FAM13A: variants seen among roughly 807,000 people sequenced by gnomAD.
The protein encoded by FAM13A is protein FAM13A.
FAM13A carries 76 observed loss-of-function variants against 129.6 expected under a neutral mutation model. That is an observed-to-expected ratio of 0.59 (90% confidence interval 0.49 to 0.71). The LOEUF (loss-of-function observed/expected upper bound fraction) is 0.71. FAM13A is among the 30% of genes least tolerant of loss of function. The pLI is 0.00. For missense variants in FAM13A, 1,108 were observed against 1,249.3 expected (o/e 0.89, Z 1.70); for synonymous variants, 443 against 449.9 (o/e 0.98, Z 0.20).
At chr4:88,955,001 T>A (rs888706935) in intron 4 of FAM13A, among the ~76,000 whole-genome samples, 1 of 152,064 alleles carries the variant, frequency 6.6e-6, no homozygotes. Context: ...TCTAATCCCA[T>A]CAGGATATTA....
intron 7 of FAM13A, among the ~76,000 whole-genome samples, chr4:88,839,498 G>A (rs1354447528): frequency 1.3e-5 from 2 of 152,176 alleles, no homozygotes; most frequent in Non-Finnish European, 2.9e-5. Flanking sequence ...ATGTAAATTA[G>A]GGGTGTAAAT....
intron 4 of FAM13A, among the ~76,000 whole-genome samples, chr4:88,940,840 T>C (rs1754637908): frequency 6.6e-6 from 1 of 152,194 alleles, no homozygotes; most frequent in Non-Finnish European, 1.5e-5. Context: ...TCTGTGGATA[T>C]GCCTTTCTTA....
Position 88,850,173 on chromosome 4 carries a change from T to C in FAM13A, c.1007+847A>G, listed in dbSNP as rs149969895. Among the ~76,000 whole-genome samples, 925 of 152,290 alleles carry C rather than the reference T, an allele frequency of 6.1e-3. 14 individuals carry two copies. Among genetic ancestry groups the C allele is most frequent in the African/African-American group, 0.021 (870 of 41,562 alleles). On this transcript the variant is annotated intron_variant, in intron 7 of 23. Transcript: ENST00000264344. Reference sequence around the variant, plus strand: ...TAGAAGATATTATTAAAATGAAAATTATATAATTTCTGGAATTATAGTAAT... The same window carrying C: ...TAGAAGATATTATTAAAATGAAAATCATATAATTTCTGGAATTATAGTAAT...
At chr4:88,902,794 A>G (rs944618789) in intron 6 of FAM13A, among the ~76,000 whole-genome samples, 6 of 152,192 alleles carry the variant, frequency 3.9e-5, no homozygotes, top group African/African-American at 1.4e-4. Flanking sequence ...AACCGTATTC[A>G]AATAGCAAGA....
chr4:88,872,162 G>C (rs1741531375), intron 6 of FAM13A, among the ~76,000 whole-genome samples: 1 of 152,096 alleles, frequency 6.6e-6, no homozygotes, highest in Non-Finnish European at 1.5e-5. Flanking sequence ...ACATGGAAAG[G>C]AACAACCAGT....
chr4:88,779,787 T>C (rs1578618209), intron 11 of FAM13A, among the ~76,000 whole-genome samples: 2 of 152,312 alleles, frequency 1.3e-5, no homozygotes, highest in East Asian at 3.9e-4. Context: ...TATTAACTAT[T>C]ACCATCTAAC....
chr4:89,014,520 G>C (rs1766199278), intron 3 of FAM13A, among the ~76,000 whole-genome samples: 1 of 152,150 alleles, frequency 6.6e-6, no homozygotes, highest in Non-Finnish European at 1.5e-5. Context: ...TGGGAAGTCA[G>C]GGATCCCGAA....
intron 6 of FAM13A, among the ~76,000 whole-genome samples, chr4:88,862,952 TTTTTA>T (rs1739738685): frequency 6.6e-6 from 1 of 151,982 alleles, no homozygotes; most frequent in Non-Finnish European, 1.5e-5. Flanking sequence ...TTTCTTTCCT[TTTTTA>T]TTTTTTCTTC....
At chr4:88,878,414 G>A (rs959331952) in intron 6 of FAM13A, among the ~76,000 whole-genome samples, 1 of 151,366 alleles carries the variant, frequency 6.6e-6, no homozygotes, top group African/African-American at 2.4e-5. Flanking sequence ...GTCATTGAGA[G>A]CACTATACTG....
chr4:89,035,484 G>C (rs935698531), intron 1 of FAM13A, among the ~76,000 whole-genome samples: 3 of 149,720 alleles, frequency 2.0e-5, no homozygotes, highest in African/African-American at 7.3e-5. Context: ...AGAAAGGAAG[G>C]AAGGAGGGGA....
In FAM13A at chr4:88,985,161, T is replaced by C. The variant is rs566120386; in HGVS notation, c.605+5812A>G. 5.3e-5 allele frequency among the ~76,000 whole-genome samples: 8 copies of C among 152,264 alleles called. No individual in the cohort carries two copies. In the East Asian group the frequency reaches 1.5e-3, roughly 29 times the overall value. On this transcript the variant is annotated intron_variant, in intron 4 of 23. Transcript: ENST00000264344. ...ACAAAATGGATGAGCCTTGAAAACA[T>C]TTTGCTAAGTGAAAGAGTCCAGTCA...
intron 7 of FAM13A, among the ~76,000 whole-genome samples, chr4:88,837,430 C>T (rs973600053): frequency 2.0e-5 from 3 of 151,424 alleles, no homozygotes; most frequent in African/African-American, 7.3e-5. Context: ...ATATAGTCAG[C>T]CTTTGCCGGG....
At position 89,018,816 on chromosome 4, in the gene FAM13A, T is replaced by G. The variant is rs551143817; in HGVS notation, c.427+1644A>C. Among the ~76,000 whole-genome samples the G allele has an allele frequency of 2.0e-5, 3 of 152,204 alleles. No individual in the cohort carries two copies. In the South Asian group the frequency reaches 6.2e-4, roughly 32 times the overall value. ...GAAGAGTCTAAAACTCGTCAAAGAGTCTAACACAGACAGTCTGGCTATGGG... is the reference window on the plus strand; with the variant it reads ...GAAGAGTCTAAAACTCGTCAAAGAGGCTAACACAGACAGTCTGGCTATGGG... On this transcript the variant is annotated intron_variant, in intron 3 of 23. Transcript: ENST00000264344.
chr4:88,904,056 A>G (rs931543721), intron 6 of FAM13A, among the ~76,000 whole-genome samples: 1 of 152,180 alleles, frequency 6.6e-6, no homozygotes, highest in Non-Finnish European at 1.5e-5. Flanking sequence ...GGAAATCAAA[A>G]CCACAATGAG....
chr4:88,925,201 G>C (rs534409403), intron 5 of FAM13A, among the ~76,000 whole-genome samples: 12 of 152,250 alleles, frequency 7.9e-5, no homozygotes, highest in South Asian at 4.1e-4. Context: ...CATCCCATTA[G>C]TGGGTATATA....
chr4:88,749,968 G>T lies in FAM13A; in HGVS notation c.1941-59C>A. On this transcript the variant is annotated intron_variant, in intron 15 of 23. Coordinates refer to ENST00000264344, the MANE Select transcript of FAM13A (RefSeq NM_014883.4). The stretch of plus-strand genomic sequence containing the variant: ...GGAGCAGTCACTGCTTGCCTAGAGG[G>T]GCCCTGGGGAAGTGGGACACCATGT... 2.5e-6 allele frequency: 4 copies of T among 1,588,624 alleles called. No homozygotes were observed. The South Asian group carries it at 4.5e-5, about 18-fold the overall frequency.
intron 1 of FAM13A, among the ~76,000 whole-genome samples, chr4:89,033,075 G>A (rs889914929): frequency 1.3e-5 from 2 of 151,858 alleles, no homozygotes; most frequent in African/African-American, 4.8e-5. Flanking sequence ...TTCCAGTAAA[G>A]TTTCTTTATT....
intron 7 of FAM13A, among the ~76,000 whole-genome samples, chr4:88,830,694 C>G (rs945964330): frequency 1.3e-5 from 2 of 152,074 alleles, no homozygotes; most frequent in Non-Finnish European, 2.9e-5. Context: ...TTGCTGGACT[C>G]CCAAATGGCT....
At chr4:88,885,860 A>T (rs1744316813) in intron 6 of FAM13A, among the ~76,000 whole-genome samples, 2 of 152,196 alleles carry the variant, frequency 1.3e-5, no homozygotes, top group Admixed American at 1.3e-4. Context: ...TAAAGGCATG[A>T]ATAGACAATT....
Sources: allele counts gnomAD v4.1 joint callset (sites outside exome capture counted in the v4.1 genomes callset), GRCh38; gene constraint gnomAD v4.1.1; transcripts MANE v1.5; gene names NCBI Gene and HGNC (gene_info 2026-07-23, HGNC 2026-07-21).